The following SFXN5 variants were observed in gnomAD, a reference collection of about 807,000 sequenced individuals.
SFXN5 encodes sideroflexin 5, also known as sideroflexin-5.
SFXN5 carries 43 observed loss-of-function variants against 50.2 expected under a neutral mutation model. The ratio of observed to expected loss-of-function variants is 0.86; its 90% CI spans 0.67 to 1.11. The LOEUF is 1.11. Ranked by LOEUF, SFXN5 falls within the 50% of genes least tolerant of loss-of-function variation. The pLI, the probability that SFXN5 is intolerant of heterozygous loss-of-function variation, is 0.00. For missense variants in SFXN5, 463 were observed against 454.1 expected (o/e 1.02, Z -0.18); for synonymous variants, 203 against 185.8 (o/e 1.09, Z -0.75).
rs1673549935 is a variant in SFXN5, at chr2:72,960,107, AC to A, written c.945+1023del. Among the ~76,000 whole-genome samples the A allele has an allele frequency of 6.6e-6, 1 of 151,204 alleles. No homozygotes were observed. The highest frequency in any genetic ancestry group is 1.5e-5 in the Non-Finnish European group (1 of 67,852). The stretch of plus-strand genomic sequence containing the variant: ...TGGACCCCGCCAGGGTGGAGGCCTC[AC>A]CCACCACCCTCGATTCCAGCACTGT... On this transcript the variant is annotated intron_variant, in intron 13 of 13. Transcript: ENST00000272433. This position sits in a 1 kb window ranked among gnomAD's most constrained non-coding sequence, Gnocchi z 6.1.
chr2:73,001,811 A>G (rs1367121788), intron 6 of SFXN5, among the ~76,000 whole-genome samples: 1 of 152,224 alleles, frequency 6.6e-6, no homozygotes, highest in African/African-American at 2.4e-5. Context: ...ATCATTTTAT[A>G]TATAACGATA....
In SFXN5 at chr2:72,960,492, C is replaced by T. The variant is rs1463857373; in HGVS notation, c.945+639G>A. On this transcript the variant is annotated intron_variant, in intron 13 of 13. Coordinates refer to ENST00000272433, the MANE Select transcript of SFXN5 (RefSeq NM_144579.3). This position sits in a 1 kb window ranked among gnomAD's most constrained non-coding sequence, Gnocchi z 6.1. ...CCATCACCGCTTGCTGGATGCCCGC[C>T]ACAGGCTCCTGATGGTTCCTTCTCT... Among the ~76,000 whole-genome samples, 2 of 152,190 alleles carry T rather than the reference C, an allele frequency of 1.3e-5. No homozygotes were observed. Among genetic ancestry groups the T allele is most frequent in the East Asian group, 3.9e-4 (2 of 5,186 alleles).
chr2:73,008,928 G>C (rs1675117769), intron 6 of SFXN5, among the ~76,000 whole-genome samples: 3 of 152,126 alleles, frequency 2.0e-5, no homozygotes, highest in South Asian at 2.1e-4. Flanking sequence ...CCTGAGCTCT[G>C]GGGGGCGAGC....
intron 1 of SFXN5, among the ~76,000 whole-genome samples, chr2:73,065,084 G>A (rs369213612): frequency 3.7e-4 from 56 of 151,704 alleles, no homozygotes; most frequent in Admixed American, 1.2e-3. Context: ...ACCACACCTC[G>A]CCAGAAGTTG....
intron 1 of SFXN5, among the ~76,000 whole-genome samples, chr2:73,061,230 C>G (rs1025605421): frequency 6.6e-6 from 1 of 151,512 alleles, no homozygotes; most frequent in South Asian, 2.1e-4. Context: ...ATCGCTTGAA[C>G]CTAGGAGGTG....
At chr2:72,954,079 G>T (rs1672819765) in intron 13 of SFXN5, among the ~76,000 whole-genome samples, 1 of 152,154 alleles carries the variant, frequency 6.6e-6, no homozygotes, top group African/African-American at 2.4e-5. Context: ...TACCACATGG[G>T]TGTGGCCTGT....
At position 72,953,282 on chromosome 2, in the gene SFXN5, A is replaced by G. The variant is rs1025291559; in HGVS notation, c.945+7849T>C. 2.6e-5 allele frequency among the ~76,000 whole-genome samples: 4 copies of G among 152,122 alleles called. No homozygotes were observed. Among genetic ancestry groups the G allele is most frequent in the African/African-American group, 9.7e-5 (4 of 41,398 alleles). On this transcript the variant is annotated intron_variant, in intron 13 of 13. Transcript: ENST00000272433. This position sits in a 1 kb window ranked among gnomAD's most constrained non-coding sequence, Gnocchi z 4.1. The stretch of plus-strand genomic sequence containing the variant: ...AGGCAGCAGATTTCTGACGGCAAAA[A>G]TAGCCCACTTTAGAGTTCAGTAGGG...
intron 9 of SFXN5, among the ~76,000 whole-genome samples, chr2:72,988,924 G>A (rs1171807716): frequency 1.3e-5 from 2 of 152,014 alleles, no homozygotes; most frequent in African/African-American, 4.8e-5. Flanking sequence ...CACTGTCATC[G>A]CCTTCATACC....
At chr2:73,069,581 G>A (rs749377417) in intron 1 of SFXN5, among the ~76,000 whole-genome samples, 55 of 152,116 alleles carry the variant, frequency 3.6e-4, no homozygotes, top group Middle Eastern at 3.2e-3. Flanking sequence ...GCTGGAGGAG[G>A]GGAGCTTCAA....
At chr2:72,972,962 T>C (rs750429330) in intron 10 of SFXN5, among the ~76,000 whole-genome samples, 27 of 151,516 alleles carry the variant, frequency 1.8e-4, no homozygotes, top group Non-Finnish European at 4.0e-4. Context: ...CGGGGCCTAG[T>C]GGGCAGGCGG....
intron 2 of SFXN5, chr2:73,049,853 C>A (rs1457108065): frequency 6.6e-6 from 1 of 151,604 alleles, no homozygotes; most frequent in Non-Finnish European, 1.5e-5. Context: ...TGGATGAGAC[C>A]CAAAGGTGTG....
At chr2:73,000,840 C>A (rs367714599) in intron 7 of SFXN5, among the ~76,000 whole-genome samples, 2 of 152,302 alleles carry the variant, frequency 1.3e-5, no homozygotes, top group South Asian at 2.1e-4. Context: ...ATATTACCTG[C>A]TGGACAAAAG....
intron 5 of SFXN5, among the ~76,000 whole-genome samples, chr2:73,021,774 T>G (rs898662756): frequency 6.6e-6 from 1 of 152,148 alleles, no homozygotes; most frequent in South Asian, 2.1e-4. Context: ...CCCATTGCAC[T>G]GAGAAATGGC....
In SFXN5 at chr2:73,010,331, C is replaced by T. The variant is rs371818794; in HGVS notation, c.358-8753G>A. On this transcript the variant is annotated intron_variant, in intron 6 of 13. Coordinates refer to ENST00000272433, the MANE Select transcript of SFXN5 (RefSeq NM_144579.3). Reference sequence around the variant, plus strand: ...CTGTATCTTAAAGATAAATGTATTTCGGTTGGGAGATATAGCCTACTATTC... The same window carrying T: ...CTGTATCTTAAAGATAAATGTATTTTGGTTGGGAGATATAGCCTACTATTC... Among the ~76,000 whole-genome samples, 25 of 152,240 alleles carry T rather than the reference C, an allele frequency of 1.6e-4. No individual in the cohort carries two copies. The South Asian group carries it at 2.9e-3, about 18-fold the overall frequency.
chr2:73,027,688 C>T (rs1469602944), intron 3 of SFXN5, among the ~76,000 whole-genome samples: 3 of 151,864 alleles, frequency 2.0e-5, no homozygotes, highest in African/African-American at 7.3e-5. Context: ...TTAGACAGGG[C>T]TTGCTCTGTC....
intron 6 of SFXN5, among the ~76,000 whole-genome samples, chr2:73,015,571 T>C (rs560960156): frequency 6.6e-6 from 1 of 152,206 alleles, no homozygotes; most frequent in African/African-American, 2.4e-5. Flanking sequence ...TCCCCTGCCT[T>C]GGCCTCTCAA....
chr2:72,947,331 C>A (rs1672064069), intron 13 of SFXN5, among the ~76,000 whole-genome samples: 1 of 152,234 alleles, frequency 6.6e-6, no homozygotes, highest in Admixed American at 6.5e-5. Flanking sequence ...CCTGGAGACA[C>A]CACATCAGCC....
chr2:73,071,435 T>C (rs1018484536), intron 1 of SFXN5, 169 bp downstream of exon 1: 1 of 619,524 alleles, frequency 1.6e-6, no homozygotes. Context: ...GCCCGCCCCG[T>C]TGACCAATGG....
At chr2:73,054,414 GA>G (rs1681816968) in intron 2 of SFXN5, among the ~76,000 whole-genome samples, 1 of 152,120 alleles carries the variant, frequency 6.6e-6, no homozygotes, top group Admixed American at 6.5e-5. Context: ...ACTCATAGGA[GA>G]AATGGGCCAA....
Sources: gnomAD v4.1 joint callset for allele counts (sites outside exome capture counted in the v4.1 genomes callset) on GRCh38, gnomAD v4.1.1 for gene constraint, Gnocchi (gnomAD v3.1) non-coding constraint, MANE v1.5 for transcripts, NCBI Gene and HGNC (gene_info 2026-07-23, HGNC 2026-07-21) for gene names.